The following RGS22 variants were observed in gnomAD, a reference collection of about 807,000 sequenced individuals.
The protein encoded by RGS22 is regulator of G-protein signaling 22.
RGS22 carries 148 observed loss-of-function variants against 172.9 expected under a neutral mutation model. That is an observed-to-expected ratio of 0.86 (90% CI 0.75 to 0.98). RGS22 has a LOEUF of 0.98. Among genes scored for constraint, RGS22 ranks in the 50% least tolerant of loss-of-function variants. The probability of loss-of-function intolerance (pLI) is 0.00; values close to 1 mark genes in which losing one functional copy is unlikely to be tolerated. For missense variants in RGS22, 1,347 were observed against 1,440.8 expected, an observed-to-expected ratio of 0.93 and a Z score of 1.05; for synonymous variants, 458 against 480.2, an observed-to-expected ratio of 0.95 and a Z score of 0.60.
chr8:100,096,226 T>C (rs1275413635), intron 2 of RGS22, among the ~76,000 whole-genome samples: 1 of 152,200 alleles, frequency 6.6e-6, no homozygotes, highest in Non-Finnish European at 1.5e-5. Context: ...TAAGTCTCTA[T>C]GCTTAGGTTT....
chr8:99,996,484 T>C lies in RGS22; in HGVS notation c.2996A>G (p.Glu999Gly). Residue 999 changes from glutamate (E) to glycine (G), a missense_variant, in exon 20 of 28, where the codon GAA becomes GGA. Transcript: ENST00000360863. ...IAEELLLQKA[E>G]KKIGVWKPVE... ...TGCCTTCCAGACCCCGATTTTCTTTTCAGCCTTCTGTAGTAAGAGCTCTTC... is the reference window on the plus strand; with the variant it reads ...TGCCTTCCAGACCCCGATTTTCTTTCCAGCCTTCTGTAGTAAGAGCTCTTC... 6.2e-7 allele frequency: 1 copy of C among 1,613,588 alleles called. No homozygotes were observed. The highest frequency in any genetic ancestry group is 8.5e-7 in the Non-Finnish European group (1 of 1,179,674).
At chr8:99,989,113 GTTTC>G (rs1375817884) in intron 20 of RGS22, among the ~76,000 whole-genome samples, 2 of 151,780 alleles carry the variant, frequency 1.3e-5, no homozygotes, top group African/African-American at 2.4e-5. Flanking sequence ...CATTAAAAAA[GTTTC>G]TTTCTTTTCA....
In RGS22 at chr8:99,974,795, C is replaced by CAAAA. The variant is rs796385179; in HGVS notation, c.3519+3118_3519+3121dup. On this transcript the variant is annotated intron_variant, in intron 23 of 27. Coordinates refer to ENST00000360863, the MANE Select transcript of RGS22 (RefSeq NM_015668.5). ...CCTGGATGACAGAGCAAGACTCTGT[C>CAAAA]AAAAAAAAAAAAAATGGATATAATT... 4.2e-3 allele frequency among the ~76,000 whole-genome samples: 483 copies of CAAAA among 116,156 alleles called. 2 individuals carry two copies. Among genetic ancestry groups the CAAAA allele is most frequent in the African/African-American group, 0.014 (461 of 33,874 alleles). The allele number at this position is 116,156 out of a possible 152,430, so 76.2% of individuals were successfully genotyped here.
At position 100,105,910 on chromosome 8, in the gene RGS22, C is replaced by G. The variant is rs757728940; in HGVS notation, c.12G>C (p.Lys4Asn). The change falls in exon 1 of 28, where the codon AAG (lysine) becomes AAC (asparagine). Residue 4 changes from lysine (K) to asparagine (N), a missense_variant. Coordinates refer to ENST00000360863, the MANE Select transcript of RGS22 (RefSeq NM_015668.5). ...GCCGCCACCTACCCGCGGTGAGCCT[C>G]TTCTCGGGCATGCCGTCCCCGCTGC... is the stretch of plus-strand genomic sequence containing the variant. MPE[K>N]RLTAEPPTIT... 2 of 1,496,550 alleles carry G rather than the reference C, an allele frequency of 1.3e-6. No homozygotes were observed. Among genetic ancestry groups the G allele is most frequent in the Admixed American group, 4.6e-5 (2 of 43,630 alleles). 92.7% of individuals were successfully genotyped at this position (1,496,550 alleles called of 1,614,324 possible).
At chr8:100,033,241 GA>G (rs1417420127) in intron 14 of RGS22, among the ~76,000 whole-genome samples, 17 of 152,074 alleles carry the variant, frequency 1.1e-4, no homozygotes, top group Middle Eastern at 6.8e-3. Context: ...CTGGTTTTTT[GA>G]AAAGATCAAC....
intron 2 of RGS22, among the ~76,000 whole-genome samples, chr8:100,100,155 T>C (rs1393416299): frequency 6.6e-6 from 1 of 152,312 alleles, no homozygotes; most frequent in East Asian, 1.9e-4. Context: ...TAAAATGGCA[T>C]AGTATTTGCA....
At chr8:100,016,360 T>C (rs562161139) in intron 14 of RGS22, among the ~76,000 whole-genome samples, 22 of 111,416 alleles carry the variant, frequency 2.0e-4, no homozygotes, top group African/African-American at 7.9e-4. Flanking sequence ...AGGTATTAAT[T>C]TGCCCTTCCA....
At chr8:99,990,322 T>C (rs866611699) in intron 20 of RGS22, among the ~76,000 whole-genome samples, 5 of 152,130 alleles carry the variant, frequency 3.3e-5, no homozygotes. Context: ...CAAGGGCCGA[T>C]GGGAAGCCTC....
At chr8:100,020,072 T>C (rs1201348947) in intron 14 of RGS22, among the ~76,000 whole-genome samples, 1 of 151,924 alleles carries the variant, frequency 6.6e-6, no homozygotes, top group Non-Finnish European at 1.5e-5. Context: ...TTAGTAGCAA[T>C]GAAGTTTCTC....
intron 9 of RGS22, among the ~76,000 whole-genome samples, chr8:100,062,000 A>G (rs989659858): frequency 1.3e-5 from 2 of 152,230 alleles, no homozygotes; most frequent in African/African-American, 4.8e-5. Flanking sequence ...CTTTGCAGGA[A>G]TATGGATGGA....
chr8:100,011,918 T>G (rs988098447), intron 14 of RGS22, among the ~76,000 whole-genome samples: 1 of 152,026 alleles, frequency 6.6e-6, no homozygotes, highest in Non-Finnish European at 1.5e-5. Flanking sequence ...TAAATATCAA[T>G]AAATACTTAT....
At chr8:100,045,614 G>A (rs960726033) in intron 11 of RGS22, among the ~76,000 whole-genome samples, 2 of 151,950 alleles carry the variant, frequency 1.3e-5, no homozygotes, top group African/African-American at 4.8e-5. Flanking sequence ...GGAAGTATAA[G>A]TTGTTATAAC....
At chr8:100,000,078 A>G (rs1357705341) in intron 18 of RGS22, among the ~76,000 whole-genome samples, 1 of 152,146 alleles carries the variant, frequency 6.6e-6, no homozygotes, top group Non-Finnish European at 1.5e-5. Context: ...TGTAAAACAC[A>G]ACTTCTTTGT....
At chr8:100,105,702 A>C in intron 1 of RGS22, 195 bp downstream of exon 1, 2 of 559,004 alleles carry the variant, frequency 3.6e-6, no homozygotes, top group South Asian at 4.6e-5. Context: ...AAGCGAGATA[A>C]CGTGGTGCCA....
At chr8:99,998,058 ATT>A (rs1237760217) in intron 19 of RGS22, among the ~76,000 whole-genome samples, 1 of 152,170 alleles carries the variant, frequency 6.6e-6, no homozygotes, top group Non-Finnish European at 1.5e-5. Flanking sequence ...TCTCATTTTT[ATT>A]TTTTAATCTC....
chr8:100,101,400 C>T (rs1813470510), intron 2 of RGS22, among the ~76,000 whole-genome samples: 1 of 150,630 alleles, frequency 6.6e-6, no homozygotes, highest in Non-Finnish European at 1.5e-5. Flanking sequence ...GATTCTCCTG[C>T]CTCACCCTCC....
At chr8:100,076,264 T>G (rs991279232) in intron 4 of RGS22, among the ~76,000 whole-genome samples, 1 of 152,218 alleles carries the variant, frequency 6.6e-6, no homozygotes, top group African/African-American at 2.4e-5. Context: ...GTGTCATATC[T>G]AACAAAACCA....
chr8:100,049,202 C>A (rs1004788561), intron 10 of RGS22, among the ~76,000 whole-genome samples: 5 of 152,130 alleles, frequency 3.3e-5, no homozygotes, highest in Admixed American at 2.6e-4. Flanking sequence ...AAAGGAACTG[C>A]TCTCCAGCAT....
In RGS22 at chr8:100,052,814, T is replaced by C. The variant is rs1193655087; in HGVS notation, c.1677A>G (p.Ile559Met). 6.2e-7 allele frequency: 1 copy of C among 1,614,024 alleles called. No individual in the cohort carries two copies. Among genetic ancestry groups the C allele is most frequent in the East Asian group, 2.2e-5 (1 of 44,866 alleles). ...ATGTACACCCTACCTGGATCTCAGGTATCTGTGGAATGCAAGATTTGGGTC... is the reference window on the plus strand; with the variant it reads ...ATGTACACCCTACCTGGATCTCAGGCATCTGTGGAATGCAAGATTTGGGTC... ...PLRPKSCIPQIPEIQKEEFSL... is the reference protein window; with the variant it reads ...PLRPKSCIPQMPEIQKEEFSL... The change falls in exon 10 of 28, where the codon ATA (isoleucine) becomes ATG (methionine). Residue 559 changes from isoleucine to methionine, a missense_variant. Physicochemically the swap from Ile to Met is conservative, Grantham distance 10. Coordinates refer to ENST00000360863, the MANE Select transcript of RGS22 (RefSeq NM_015668.5).
Sources: allele counts gnomAD v4.1 joint callset (sites outside exome capture counted in the v4.1 genomes callset), GRCh38; gene constraint gnomAD v4.1.1; transcripts MANE v1.5; gene names NCBI Gene and HGNC (gene_info 2026-07-23, HGNC 2026-07-21).